Variants in CYRIA observed in about 807,000 individuals in gnomAD.
The protein encoded by CYRIA is CYFIP related Rac1 interactor A, also known as CYFIP-related Rac1 interactor A.
A neutral mutation model predicts 43.9 loss-of-function variants in CYRIA; 15 were observed. The ratio of observed to expected loss-of-function variants is 0.34; its 90% CI spans 0.23 to 0.53. The LOEUF is 0.53. Among genes scored for constraint, CYRIA ranks in the 20% least tolerant of loss-of-function variants. The pLI is 0.94. For synonymous variants in CYRIA, 117 were observed against 136.0 expected, an observed-to-expected ratio of 0.86 and a Z score of 0.97; for missense variants, 236 against 394.2, an observed-to-expected ratio of 0.60 and a Z score of 3.40.
At chr2:16,561,925 C>T in intron 6 of CYRIA, 80 bp downstream of exon 6, 3 of 1,393,320 alleles carry the variant, frequency 2.2e-6, no homozygotes, top group Non-Finnish European at 2.9e-6. Context: ...CCCACCCACC[C>T]CACAGCACTA....
chr2:16,617,427 G>A (rs551191389), intron 2 of CYRIA, among the ~76,000 whole-genome samples: 1 of 152,226 alleles, frequency 6.6e-6, no homozygotes, highest in African/African-American at 2.4e-5. Flanking sequence ...ATCAGGCCTA[G>A]GCCAAAACCC....
At chr2:16,652,097 A>G (rs1669989616) in intron 1 of CYRIA, among the ~76,000 whole-genome samples, 4 of 152,186 alleles carry the variant, frequency 2.6e-5, no homozygotes. Flanking sequence ...TGAACACTCC[A>G]CAACTTTGTA....
chr2:16,650,423 T>A lies in CYRIA; in HGVS notation c.-167+15357A>T, dbSNP rs1029765258. On this transcript the variant is annotated intron_variant, in intron 1 of 11. Coordinates refer to ENST00000381323, the MANE Select transcript of CYRIA (RefSeq NM_030797.4). The surrounding 1 kb of genome is among the most constrained non-coding windows in gnomAD (Gnocchi z 4.1). ...TATAAAAATCTCTGCAAACTGCAGA[T>A]CGATTAAAACACTAGCAAATCATAA... Among the ~76,000 whole-genome samples, 1 of 152,202 alleles carries A rather than the reference T, an allele frequency of 6.6e-6. No individual in the cohort carries two copies.
intron 2 of CYRIA, among the ~76,000 whole-genome samples, chr2:16,608,392 C>T (rs976185767): frequency 3.9e-5 from 6 of 152,166 alleles, no homozygotes; most frequent in African/African-American, 1.4e-4. Flanking sequence ...GATACACTTT[C>T]AGGAGGTAAA....
intron 1 of CYRIA, among the ~76,000 whole-genome samples, chr2:16,630,701 A>C (rs1168460230): frequency 1.3e-5 from 2 of 152,128 alleles, no homozygotes; most frequent in African/African-American, 4.8e-5. Context: ...CCTTTGAGTG[A>C]GGAAGTGGGA....
intron 10 of CYRIA, among the ~76,000 whole-genome samples, chr2:16,559,099 T>C (rs10195641): frequency 0.53 from 81,301 of 152,038 alleles, 24,204 homozygotes; most frequent in African/African-American, 0.81. Flanking sequence ...TCTTGTAATG[T>C]AGTATCTCCC....
At chr2:16,618,878 G>A (rs996564455) in intron 2 of CYRIA, among the ~76,000 whole-genome samples, 7 of 152,216 alleles carry the variant, frequency 4.6e-5, no homozygotes, top group African/African-American at 1.7e-4. Context: ...GAGTCCAGGT[G>A]AGATTCAAGT....
At chr2:16,617,140 T>C (rs77993949) in intron 2 of CYRIA, among the ~76,000 whole-genome samples, 1,693 of 152,338 alleles carry the variant, frequency 0.011, 29 homozygotes, top group African/African-American at 0.038. Flanking sequence ...CCCTTCTTCC[T>C]TGATTTGCAG....
chr2:16,628,571 G>T (rs139788122), intron 1 of CYRIA, among the ~76,000 whole-genome samples: 115 of 152,350 alleles, frequency 7.5e-4, no homozygotes, highest in African/African-American at 2.7e-3. Flanking sequence ...CAGTCATACA[G>T]TTGGGGTGAT....
At chr2:16,640,340 C>A (rs886070414) in intron 1 of CYRIA, among the ~76,000 whole-genome samples, 4 of 152,376 alleles carry the variant, frequency 2.6e-5, no homozygotes, top group African/African-American at 4.8e-5. Flanking sequence ...GCCCCTCCCC[C>A]ACAGCGCTAG....
intron 10 of CYRIA, among the ~76,000 whole-genome samples, chr2:16,555,440 A>C (rs913373599): frequency 3.3e-5 from 5 of 152,098 alleles, no homozygotes; most frequent in African/African-American, 1.2e-4. Context: ...TATGGAGCCA[A>C]ATGCAGGGCC....
intron 1 of CYRIA, among the ~76,000 whole-genome samples, chr2:16,639,942 A>T (rs1669622574): frequency 6.6e-6 from 1 of 152,192 alleles, no homozygotes; most frequent in African/African-American, 2.4e-5. Context: ...TTCCACCATA[A>T]GGGCTTCCCT....
intron 2 of CYRIA, among the ~76,000 whole-genome samples, chr2:16,617,617 C>A (rs547495844): frequency 6.6e-6 from 1 of 152,228 alleles, no homozygotes; most frequent in African/African-American, 2.4e-5. Context: ...ACACTGAGCC[C>A]CTTTCACTCT....
At position 16,623,292 on chromosome 2, in the gene CYRIA, A is replaced by G. The variant is rs563321697; in HGVS notation, c.-11+572T>C. Among the ~76,000 whole-genome samples, 6 of 152,284 alleles carry G rather than the reference A, an allele frequency of 3.9e-5. No homozygotes were observed. In the South Asian group the frequency reaches 1.2e-3, roughly 32 times the overall value. ...CCACATTCCTTGCACATAAGAAGGA[A>G]AGGATCCATAAGTGACTGGGAGGAG... On this transcript the variant is annotated intron_variant, in intron 2 of 11. Coordinates refer to ENST00000381323, the MANE Select transcript of CYRIA (RefSeq NM_030797.4).
In CYRIA at chr2:16,590,478, A is replaced by G. The variant is rs1276275777; in HGVS notation, c.-10-2349T>C. 2.3e-4 allele frequency among the ~76,000 whole-genome samples: 35 copies of G among 152,190 alleles called. 1 individual carries two copies. Among genetic ancestry groups the G allele is most frequent in the Admixed American group, 2.2e-3 (33 of 15,272 alleles). ...CTTAGTTTTGTGCTATGAATGTATCATAAGAGACTTGCATGGATTGGGCTT... is the reference window on the plus strand; with the variant it reads ...CTTAGTTTTGTGCTATGAATGTATCGTAAGAGACTTGCATGGATTGGGCTT... On this transcript the variant is annotated intron_variant, in intron 2 of 11. Transcript: ENST00000381323.
intron 1 of CYRIA, among the ~76,000 whole-genome samples, chr2:16,658,711 C>T (rs949782056): frequency 1.1e-4 from 17 of 151,718 alleles, no homozygotes; most frequent in Admixed American, 1.3e-4. Flanking sequence ...TTTTTCTTTT[C>T]TTTTCCTTCC....
At chr2:16,651,135 G>T (rs570396263) in intron 1 of CYRIA, among the ~76,000 whole-genome samples, 1 of 152,108 alleles carries the variant, frequency 6.6e-6, no homozygotes, top group South Asian at 2.1e-4. Context: ...GGTCTGGGAG[G>T]GTTGGCACCT....
At chr2:16,641,206 A>C (rs1669666240) in intron 1 of CYRIA, among the ~76,000 whole-genome samples, 1 of 152,244 alleles carries the variant, frequency 6.6e-6, no homozygotes, top group South Asian at 2.1e-4. Flanking sequence ...AAAAACCTTT[A>C]ATGATTCCTC....
At chr2:16,630,247 G>A (rs1004026602) in intron 1 of CYRIA, among the ~76,000 whole-genome samples, 2 of 152,108 alleles carry the variant, frequency 1.3e-5, no homozygotes, top group African/African-American at 4.8e-5. Context: ...GGTTAATGGC[G>A]AGTAGATAAC....
Sources: allele counts gnomAD v4.1 joint callset (sites outside exome capture counted in the v4.1 genomes callset), GRCh38; gene constraint gnomAD v4.1.1; non-coding constraint Gnocchi (gnomAD v3.1); transcripts MANE v1.5; gene names NCBI Gene and HGNC (gene_info 2026-07-23, HGNC 2026-07-21).